MAPK6: variants seen among roughly 807,000 people sequenced by gnomAD.
MAPK6 encodes mitogen-activated protein kinase 6.
A neutral mutation model predicts 59.3 loss-of-function variants in MAPK6; 19 were observed. The ratio of observed to expected loss-of-function variants is 0.32; its 90% CI spans 0.22 to 0.47. The LOEUF is 0.47. Ranked by LOEUF, MAPK6 falls within the 20% of genes least tolerant of loss-of-function variation. The pLI, the probability that MAPK6 is intolerant of heterozygous loss-of-function variation, is 1.00. For missense variants in MAPK6, 724 were observed against 847.9 expected (o/e 0.85, Z 1.81); for synonymous variants, 316 against 290.3 (o/e 1.09, Z -0.90).
At chr15:52,060,895 T>C (rs1462848165) in intron 4 of MAPK6, among the ~76,000 whole-genome samples, 1 of 152,248 alleles carries the variant, frequency 6.6e-6, no homozygotes, top group Admixed American at 6.5e-5. Flanking sequence ...CTATGTCTAC[T>C]TTATGCATGA....
At chr15:52,010,086 C>T (rs1328613207) in intron 3 of MAPK6, among the ~76,000 whole-genome samples, 1 of 151,840 alleles carries the variant, frequency 6.6e-6, no homozygotes, top group Non-Finnish European at 1.5e-5. Context: ...TAATTTCTTA[C>T]AGCTTTTCAA....
At chr15:52,054,405 A>G (rs1274390410) in intron 3 of MAPK6, among the ~76,000 whole-genome samples, 2 of 152,114 alleles carry the variant, frequency 1.3e-5, no homozygotes, top group Non-Finnish European at 2.9e-5. Context: ...ACTTTTACAC[A>G]TTCTTTTGCA....
intron 1 of MAPK6, among the ~76,000 whole-genome samples, chr15:52,040,421 G>T (rs1342242624): frequency 6.6e-6 from 1 of 152,192 alleles, no homozygotes; most frequent in Non-Finnish European, 1.5e-5. Context: ...ATGTGAACAG[G>T]CCAGATGACC....
intron 1 of MAPK6, among the ~76,000 whole-genome samples, chr15:52,032,501 T>A (rs75533754): frequency 6.6e-6 from 1 of 151,544 alleles, no homozygotes; most frequent in East Asian, 2.0e-4. Flanking sequence ...TGGATAGATA[T>A]TTTTAATAGA....
chr15:52,053,461 G>A (rs967927910), intron 3 of MAPK6, among the ~76,000 whole-genome samples: 9 of 152,174 alleles, frequency 5.9e-5, no homozygotes, highest in African/African-American at 1.9e-4. Context: ...TTTAAATTGG[G>A]TTGTCTTTTT....
At chr15:52,016,068 GCGCACACA>G (rs1312910849), upstream of MAPK6, among the ~76,000 whole-genome samples, 28 of 35,664 alleles carry the variant, frequency 7.9e-4, no homozygotes, top group Admixed American at 1.1e-3. Flanking sequence ...GCGCGCGCGC[GCGCACACA>G]CACACACACA....
At chr15:51,988,523 G>A (rs2141814312) in intron 2 of MAPK6, among the ~76,000 whole-genome samples, 1 of 152,186 alleles carries the variant, frequency 6.6e-6, no homozygotes, top group South Asian at 2.1e-4. Flanking sequence ...CACAAGGGCA[G>A]GAGTTCAAGA....
Position 52,061,458 on chromosome 15 carries a change from T to G in MAPK6, c.1025T>G (p.Leu342Trp), listed in dbSNP as rs766623251. Residue 342 changes from leucine (L) to tryptophan (W), a missense_variant, in exon 5 of 6, where the codon TTG (leucine) becomes TGG (tryptophan). Leu to Trp is a moderately conservative substitution (Grantham distance 61). Coordinates refer to ENST00000261845, the MANE Select transcript of MAPK6 (RefSeq NM_002748.4). ...ATTGAAGATGAAGTTGATGATATTT[T>G]GCTTATGGATGAAACTCACAGTCAC... ...FHIEDEVDDI[L>W]LMDETHSHIY... 6.2e-7 allele frequency: 1 copy of G among 1,613,824 alleles called. No individual in the cohort carries two copies. The highest frequency in any genetic ancestry group is 8.5e-7 in the Non-Finnish European group (1 of 1,179,746).
At chr15:52,002,918 G>T (rs1022917105) in intron 2 of MAPK6, among the ~76,000 whole-genome samples, 1 of 152,190 alleles carries the variant, frequency 6.6e-6, no homozygotes. Flanking sequence ...ACCGGGCGCG[G>T]TGGCTCATAC....
At chr15:52,029,815 A>G (rs1179388939) in intron 1 of MAPK6, among the ~76,000 whole-genome samples, 1 of 152,142 alleles carries the variant, frequency 6.6e-6, no homozygotes, top group Non-Finnish European at 1.5e-5. Context: ...AGCCACCATT[A>G]TGTCACCTGG....
intron 1 of MAPK6, among the ~76,000 whole-genome samples, chr15:52,022,909 A>T (rs967749268): frequency 6.6e-6 from 1 of 152,006 alleles, no homozygotes; most frequent in Non-Finnish European, 1.5e-5. Context: ...GGAAATCGAG[A>T]CCATCCTGGC....
upstream of MAPK6, chr15:52,017,479 G>A (rs2030306755): frequency 6.6e-6 from 1 of 152,308 alleles, no homozygotes; most frequent in South Asian, 2.1e-4. Flanking sequence ...AATGTCATCA[G>A]TTAAGGCTAT....
upstream of MAPK6, among the ~76,000 whole-genome samples, chr15:52,016,066 G>GCACACACA (rs926833047): frequency 6.8e-4 from 30 of 44,396 alleles, no homozygotes; most frequent in Non-Finnish European, 1.2e-3. Context: ...GCGCGCGCGC[G>GCACACACA]CGCGCACACA....
chr15:52,042,421 C>G (rs1039143049), intron 1 of MAPK6, among the ~76,000 whole-genome samples: 2 of 152,178 alleles, frequency 1.3e-5, no homozygotes, highest in African/African-American at 2.4e-5. Flanking sequence ...CCTACCTTCC[C>G]TAGTATCACT....
intron 2 of MAPK6, among the ~76,000 whole-genome samples, chr15:51,997,693 C>T (rs1301275921): frequency 4.1e-5 from 6 of 147,516 alleles, no homozygotes; most frequent in South Asian, 2.2e-4. Context: ...CGGGTTCAAG[C>T]GATTCTCCTG....
intron 1 of MAPK6, among the ~76,000 whole-genome samples, chr15:52,042,447 C>G (rs1209804439): frequency 1.3e-5 from 2 of 152,122 alleles, no homozygotes; most frequent in Non-Finnish European, 2.9e-5. Context: ...CCCACTCTTA[C>G]CTCGTTAAGT....
chr15:52,060,039 C>G (rs1404925065), intron 4 of MAPK6, among the ~76,000 whole-genome samples: 1 of 152,164 alleles, frequency 6.6e-6, no homozygotes, highest in Non-Finnish European at 1.5e-5. Context: ...TAATTTCCCT[C>G]TATACTTACC....
chr15:52,045,105 G>C (rs2031558269), intron 1 of MAPK6, among the ~76,000 whole-genome samples: 1 of 151,740 alleles, frequency 6.6e-6, no homozygotes, highest in African/African-American at 2.4e-5. Flanking sequence ...AAAATGGCCG[G>C]GTCATAGAGT....
chr15:52,058,159 G>A (rs746366242), intron 3 of MAPK6, among the ~76,000 whole-genome samples: 1 of 149,176 alleles, frequency 6.7e-6, no homozygotes, highest in Non-Finnish European at 1.5e-5. Flanking sequence ...TTCTTTCATT[G>A]CCTAACAACC....
Sources: gnomAD v4.1 joint callset for allele counts (sites outside exome capture counted in the v4.1 genomes callset) on GRCh38, gnomAD v4.1.1 for gene constraint, MANE v1.5 for transcripts, NCBI Gene and HGNC (gene_info 2026-07-23, HGNC 2026-07-21) for gene names.